DAB2IP: variants seen among roughly 807,000 people sequenced by gnomAD.
DAB2IP encodes the protein disabled homolog 2-interacting protein.
DAB2IP carries 28 observed loss-of-function variants against 107.2 expected under a neutral mutation model. The ratio of observed to expected loss-of-function variants is 0.26; its 90% CI spans 0.19 to 0.36. The LOEUF (loss-of-function observed/expected upper bound fraction) is 0.36, where lower values mean the gene tolerates loss of function less well. Among genes scored for constraint, DAB2IP ranks in the 10% least tolerant of loss-of-function variants. The probability of loss-of-function intolerance (pLI) is 1.00; values close to 1 mark genes in which losing one functional copy is unlikely to be tolerated. For synonymous variants in DAB2IP, 755 were observed against 706.4 expected (o/e 1.07, Z -1.09); for missense variants, 1,400 against 1,644.7 (o/e 0.85, Z 2.57).
At chr9:121,672,240 A>G (rs1010235) in intron 1 of DAB2IP, among the ~76,000 whole-genome samples, 1 of 152,010 alleles carries the variant, frequency 6.6e-6, no homozygotes, top group East Asian at 1.9e-4. Flanking sequence ...GGGACACCCC[A>G]GTCCAGCACC....
chr9:121,783,822 C>A, exon 16 of DAB2IP: 1 of 535,544 alleles, frequency 1.9e-6, no homozygotes, highest in Non-Finnish European at 3.4e-6. Flanking sequence ...TCTGCCCCTC[C>A]CCCACTTTCA....
intron 1 of DAB2IP, among the ~76,000 whole-genome samples, chr9:121,630,847 A>G (rs1221648240): frequency 1.3e-5 from 2 of 152,146 alleles, no homozygotes; most frequent in Non-Finnish European, 2.9e-5. Context: ...ACATTGGGCA[A>G]TCCACTCGGC....
chr9:121,570,154 C>T (rs1829904033), intron 1 of DAB2IP, among the ~76,000 whole-genome samples: 1 of 142,446 alleles, frequency 7.0e-6, no homozygotes, highest in African/African-American at 2.7e-5. Flanking sequence ...CTCTGTCATC[C>T]AGGCTGGAGT....
At chr9:121,572,783 A>C (rs520529) in intron 1 of DAB2IP, among the ~76,000 whole-genome samples, 2 of 151,450 alleles carry the variant, frequency 1.3e-5, no homozygotes, top group Non-Finnish European at 2.9e-5. Context: ...CTCGTACAGG[A>C]GCGGGGGTTG....
At chr9:121,606,694 C>T (rs1168285168) in intron 1 of DAB2IP, among the ~76,000 whole-genome samples, 1 of 151,938 alleles carries the variant, frequency 6.6e-6, no homozygotes, top group East Asian at 1.9e-4. Context: ...TTCCCTGTTA[C>T]CATCATTGGA....
At chr9:121,651,431 G>A (rs1589453591), upstream of DAB2IP, among the ~76,000 whole-genome samples, 1 of 152,138 alleles carries the variant, frequency 6.6e-6, no homozygotes, top group East Asian at 1.9e-4. The surrounding 1 kb of genome is among the most constrained non-coding windows in gnomAD (Gnocchi z 5.1). Flanking sequence ...GGGGGCGGGG[G>A]TGGGAGCCAG....
At chr9:121,632,408 C>T (rs369035690) in intron 1 of DAB2IP, among the ~76,000 whole-genome samples, 3 of 152,240 alleles carry the variant, frequency 2.0e-5, no homozygotes, top group African/African-American at 2.4e-5. Context: ...GGGACAAACG[C>T]GGCCAAGTCT....
exon 7 of DAB2IP, chr9:121,763,519 C>G (rs375600016): frequency 6.2e-7 from 1 of 1,613,160 alleles, no homozygotes; most frequent in African/African-American, 1.3e-5. Flanking sequence ...TCCTGACAGA[C>G]CTGATGATGT....
At chr9:121,708,849 G>A (rs1830186462) in intron 3 of DAB2IP, among the ~76,000 whole-genome samples, 1 of 152,224 alleles carries the variant, frequency 6.6e-6, no homozygotes, top group African/African-American at 2.4e-5. Flanking sequence ...CCCCTTGGAA[G>A]GTCTCGGCTC....
chr9:121,777,036 C>G (rs2119026789), intron 14 of DAB2IP, among the ~76,000 whole-genome samples: 1 of 152,242 alleles, frequency 6.6e-6, no homozygotes, highest in Middle Eastern at 3.4e-3. Context: ...TGTCAGGCCC[C>G]ATGTTGGTGC....
chr9:121,700,083 TCTC>T (rs1483834990), intron 3 of DAB2IP, among the ~76,000 whole-genome samples: 1 of 152,156 alleles, frequency 6.6e-6, no homozygotes, highest in East Asian at 1.9e-4. Flanking sequence ...GCCAGGGCCA[TCTC>T]CTCTCCAGCC....
intron 2 of DAB2IP, among the ~76,000 whole-genome samples, chr9:121,682,389 A>G (rs945636276): frequency 1.3e-5 from 2 of 152,186 alleles, no homozygotes; most frequent in East Asian, 1.9e-4. Context: ...GGGAGAATCA[A>G]TGAGTCACGG....
In DAB2IP at chr9:121,702,452, A is replaced by G. The variant is rs1347794932; in HGVS notation, c.362+2994A>G. ...GAGCCTTCGGACTTATTCTTCTGAA[A>G]CGGCCTCAGGGGAGGTTGCCAGCTG... On this transcript the variant is annotated intron_variant, in intron 3 of 15. Coordinates refer to ENST00000408936, the Ensembl canonical transcript of DAB2IP. This position sits in a 1 kb window ranked among gnomAD's most constrained non-coding sequence, Gnocchi z 4.5. Among the ~76,000 whole-genome samples the G allele has an allele frequency of 6.6e-6, 1 of 152,120 alleles. No homozygotes were observed. The highest frequency in any genetic ancestry group is 1.5e-5 in the Non-Finnish European group (1 of 68,012).
intron 3 of DAB2IP, among the ~76,000 whole-genome samples, chr9:121,731,223 C>A (rs2118851794): frequency 6.6e-6 from 1 of 152,316 alleles, no homozygotes; most frequent in Non-Finnish European, 1.5e-5. Context: ...GTCTTGTTCA[C>A]CTGTTTGGCT....
intron 13 of DAB2IP, among the ~76,000 whole-genome samples, chr9:121,774,763 A>G (rs1254427395): frequency 6.6e-6 from 1 of 152,088 alleles, no homozygotes; most frequent in Non-Finnish European, 1.5e-5. Flanking sequence ...AGGGTGCCCA[A>G]GTGACATATA....
At chr9:121,742,697 C>G (rs1306475393) in intron 3 of DAB2IP, 3 of 980,412 alleles carry the variant, frequency 3.1e-6, no homozygotes, top group African/African-American at 3.5e-5. Flanking sequence ...ACGGTTGCCC[C>G]CATCTGCCTT....
In DAB2IP at chr9:121,773,162, C is replaced by T. The variant is rs370257448; in HGVS notation, c.2634C>T (p.Ala878=). 169 of 1,606,222 alleles carry T rather than the reference C, an allele frequency of 1.1e-4. No homozygotes were observed. The African/African-American group carries it at 1.5e-3, about 14-fold the overall frequency. Residue 878 remains alanine, a synonymous_variant, in exon 12 of 16, where the codon GCC becomes GCT. Transcript: ENST00000408936. ...CCAAGCTGGGAAGTTTCAGCACTGC[C>T]GCGGAGGAGCTGGCTCGGCGGCCCG...
chr9:121,666,916 A>ACACACC (rs1554721728), intron 1 of DAB2IP, among the ~76,000 whole-genome samples: 1 of 110,320 alleles, frequency 9.1e-6, no homozygotes, highest in Non-Finnish European at 2.1e-5. Context: ...ACACACACAC[A>ACACACC]ACACTCTTAA....
rs558712919 is a variant in DAB2IP, at chr9:121,668,381, G to T, written c.125-10297G>T. Among the ~76,000 whole-genome samples, 9 of 151,926 alleles carry T rather than the reference G, an allele frequency of 5.9e-5. No homozygotes were observed. The South Asian group carries it at 1.9e-3, about 32-fold the overall frequency. On this transcript the variant is annotated intron_variant, in intron 1 of 15. Coordinates refer to ENST00000408936, the Ensembl canonical transcript of DAB2IP. ...GCCTCCCAAGTGGCTAGGATGACAC[G>T]CATGCATTACCACACCTGGCTAAAT...
Sources: allele counts gnomAD v4.1 joint callset (sites outside exome capture counted in the v4.1 genomes callset), GRCh38; gene constraint gnomAD v4.1.1; non-coding constraint Gnocchi (gnomAD v3.1); transcripts MANE v1.5; gene names NCBI Gene and HGNC (gene_info 2026-07-23, HGNC 2026-07-21).